Variants in KHDRBS2 observed in about 807,000 individuals in gnomAD.
KHDRBS2 encodes the protein KH domain-containing, RNA-binding, signal transduction-associated protein 2.
Under a neutral mutation model 44.3 loss-of-function variants are expected in KHDRBS2, and 26 were observed. The observed-to-expected ratio is 0.59, with a 90% CI of 0.43 to 0.81. The LOEUF (loss-of-function observed/expected upper bound fraction) is 0.81. Ranked by LOEUF, KHDRBS2 falls within the 40% of genes least tolerant of loss-of-function variation. The pLI is 0.00. For synonymous variants in KHDRBS2, 194 were observed against 151.1 expected (o/e 1.28, Z -2.08); for missense variants, 476 against 433.1 (o/e 1.10, Z -0.88).
chr6:61,855,817 T>C (rs79216630), intron 6 of KHDRBS2, among the ~76,000 whole-genome samples: 10,173 of 151,988 alleles, frequency 0.067, 403 homozygotes, highest in Middle Eastern at 0.13. Context: ...CATGGTTCCT[T>C]AGGGAGTGAG....
At chr6:62,258,573 T>C (rs1469853086) in intron 1 of KHDRBS2, among the ~76,000 whole-genome samples, 1 of 152,028 alleles carries the variant, frequency 6.6e-6, no homozygotes, top group Non-Finnish European at 1.5e-5. Context: ...TGCTTTCTGA[T>C]GTTCAATGTA....
chr6:61,823,957 C>A (rs1194441856), intron 6 of KHDRBS2, among the ~76,000 whole-genome samples: 1 of 151,994 alleles, frequency 6.6e-6, no homozygotes, highest in African/African-American at 2.4e-5. Context: ...ACAATCAATT[C>A]TTTTTTAATT....
intron 2 of KHDRBS2, among the ~76,000 whole-genome samples, chr6:62,122,495 T>A (rs1480003608): frequency 1.3e-5 from 2 of 152,126 alleles, no homozygotes; most frequent in African/African-American, 4.8e-5. Flanking sequence ...AAATATGTGA[T>A]TGGGCTCCAG....
chr6:61,611,963 A>T, the KHDRBS2 span, among the ~76,000 whole-genome samples: 7 of 152,322 alleles, frequency 4.6e-5, no homozygotes, highest in Non-Finnish European at 8.8e-5. Flanking sequence ...ACAATTTAGC[A>T]CATCAACCAT....
chr6:62,177,333 GA>G, intron 1 of KHDRBS2, 21 bp from the exon 2 acceptor site: 1 of 1,558,350 alleles, frequency 6.4e-7, no homozygotes, highest in Non-Finnish European at 8.7e-7. Context: ...ATCACAAGAA[GA>G]AAACAAGTGA....
chr6:61,825,697 T>C (rs923491902), intron 6 of KHDRBS2, among the ~76,000 whole-genome samples: 3 of 152,098 alleles, frequency 2.0e-5, no homozygotes, highest in Non-Finnish European at 4.4e-5. Flanking sequence ...TTATAATGGC[T>C]AGGAACACAG....
chr6:62,131,950 T>C lies in KHDRBS2; in HGVS notation c.219+45235A>G, dbSNP rs569341868. Among the ~76,000 whole-genome samples the C allele has an allele frequency of 4.6e-5, 7 of 152,312 alleles. 1 individual carries two copies. The South Asian group carries it at 1.0e-3, about 23-fold the overall frequency. ...ATAACATCTGTTCATTCAAAATGCA[T>C]TGAGGATAAGATGAAGTAGACATTC... On this transcript the variant is annotated intron_variant, in intron 2 of 8. Coordinates refer to ENST00000281156, the MANE Select transcript of KHDRBS2 (RefSeq NM_152688.4).
chr6:61,931,120 AT>A (rs1809963871), intron 4 of KHDRBS2, among the ~76,000 whole-genome samples: 1 of 152,070 alleles, frequency 6.6e-6, no homozygotes, highest in Non-Finnish European at 1.5e-5. Context: ...AATGAAAAAA[AT>A]ACTTATATTT....
At chr6:62,140,351 T>C (rs1275063883) in intron 2 of KHDRBS2, among the ~76,000 whole-genome samples, 1 of 152,164 alleles carries the variant, frequency 6.6e-6, no homozygotes, top group African/African-American at 2.4e-5. Flanking sequence ...GGTTTAGCAA[T>C]CAGATTTCCA....
intron 4 of KHDRBS2, among the ~76,000 whole-genome samples, chr6:61,936,060 A>G (rs1372853678): frequency 2.6e-5 from 4 of 152,142 alleles, no homozygotes; most frequent in Non-Finnish European, 5.9e-5. Context: ...CTCAGAAACA[A>G]GAAACCATGT....
At chr6:62,162,320 T>C (rs7744422) in intron 2 of KHDRBS2, among the ~76,000 whole-genome samples, 91,993 of 151,850 alleles carry the variant, frequency 0.61, 28,070 homozygotes, top group Non-Finnish European at 0.62. Context: ...TGTGTCAATG[T>C]ATTACTTTTA....
the KHDRBS2 span, among the ~76,000 whole-genome samples, chr6:61,642,229 G>A: frequency 2.0e-5 from 3 of 151,906 alleles, no homozygotes; most frequent in Non-Finnish European, 4.4e-5. Context: ...TTAAATACCT[G>A]GAAGATAGGT....
intron 4 of KHDRBS2, among the ~76,000 whole-genome samples, chr6:61,959,941 G>T (rs1236011650): frequency 2.0e-5 from 3 of 152,106 alleles, no homozygotes; most frequent in African/African-American, 4.8e-5. Flanking sequence ...TCAAGGCTTG[G>T]TTCTGATTTC....
At chr6:61,901,452 CAAAA>C in intron 4 of KHDRBS2, 81 bp from the exon 5 acceptor site, 1 of 397,018 alleles carries the variant, frequency 2.5e-6, no homozygotes, top group Non-Finnish European at 3.7e-6. Context: ...AGAAACAAAA[CAAAA>C]CGCAATAGGA....
intron 2 of KHDRBS2, among the ~76,000 whole-genome samples, chr6:62,056,892 T>C (rs1255221029): frequency 6.6e-6 from 1 of 151,990 alleles, no homozygotes; most frequent in Non-Finnish European, 1.5e-5. Context: ...CCTTGATTCT[T>C]GCGACACATT....
intron 1 of KHDRBS2, among the ~76,000 whole-genome samples, chr6:62,225,884 T>C (rs952394296): frequency 2.0e-5 from 3 of 152,238 alleles, no homozygotes; most frequent in African/African-American, 7.2e-5. Flanking sequence ...TTTTTATGGC[T>C]GCATAATATT....
chr6:61,849,431 A>G (rs1017303798), intron 6 of KHDRBS2, among the ~76,000 whole-genome samples: 1 of 152,080 alleles, frequency 6.6e-6, no homozygotes, highest in Non-Finnish European at 1.5e-5. Flanking sequence ...TACATGTACT[A>G]AAAGTCATGC....
rs767165547 is a variant in KHDRBS2 at position 61,901,400 on chromosome 6, A to T, written c.484-29T>A. The T allele has an allele frequency of 3.1e-5, 50 of 1,591,022 alleles. 1 individual carries two copies. The highest frequency in any genetic ancestry group is 9.0e-5 in the South Asian group (8 of 88,542). On this transcript the variant is annotated intron_variant, in intron 4 of 8. Coordinates refer to ENST00000281156, the MANE Select transcript of KHDRBS2 (RefSeq NM_152688.4). The stretch of plus-strand genomic sequence containing the variant: ...GAGAAAAAACATGATGTGATGAGTT[A>T]AAAATGGGACATGCCGTTCTCAGAG...
At chr6:62,106,381 T>A (rs868484231) in intron 2 of KHDRBS2, among the ~76,000 whole-genome samples, 13 of 152,288 alleles carry the variant, frequency 8.5e-5, no homozygotes, top group African/African-American at 2.9e-4. Context: ...TAGTGGGGTG[T>A]TAAAGTCTCC....
Sources: allele counts gnomAD v4.1 joint callset (sites outside exome capture counted in the v4.1 genomes callset), GRCh38; gene constraint gnomAD v4.1.1; transcripts MANE v1.5; gene names NCBI Gene and HGNC (gene_info 2026-07-23, HGNC 2026-07-21).